Variants in NELL2 observed in about 807,000 individuals in gnomAD.
The protein encoded by NELL2 is protein kinase C-binding protein NELL2.
In NELL2, 41 loss-of-function variants were observed where a neutral mutation model predicts 109.6. The ratio of observed to expected loss-of-function variants is 0.37; its 90% CI spans 0.29 to 0.49. The LOEUF is 0.49. NELL2 is among the 20% of genes least tolerant of loss of function. NELL2 has a pLI of 0.98. For synonymous variants in NELL2, 355 were observed against 344.7 expected, an observed-to-expected ratio of 1.03 and a Z score of -0.33; for missense variants, 900 against 1,008.3, an observed-to-expected ratio of 0.89 and a Z score of 1.45.
intron 15 of NELL2, among the ~76,000 whole-genome samples, chr12:44,541,370 C>G (rs1281110039): frequency 1.3e-5 from 2 of 151,264 alleles, no homozygotes; most frequent in African/African-American, 4.9e-5. Context: ...TAAAATAGGG[C>G]CACAGTGATT....
chr12:44,672,233 T>G (rs1026295209), intron 12 of NELL2, among the ~76,000 whole-genome samples: 2 of 152,138 alleles, frequency 1.3e-5, no homozygotes, highest in African/African-American at 2.4e-5. Context: ...AGTCCCTGAT[T>G]TGCTAGGAAG....
chr12:44,734,590 A>G (rs934535383), intron 9 of NELL2, among the ~76,000 whole-genome samples: 1 of 151,606 alleles, frequency 6.6e-6, no homozygotes, highest in East Asian at 1.9e-4. Context: ...TGCTCATTCA[A>G]TTTTCCCCTA....
Position 44,875,907 on chromosome 12 carries a change from A to C in NELL2, c.-38T>G. On this transcript the variant is annotated 5_prime_UTR_variant, in exon 1 of 20. Coordinates refer to ENST00000429094, the MANE Select transcript of NELL2 (RefSeq NM_001145108.2). ...CTCAGTCCATCGTCTCCCTCTTTAA[A>C]AATAAAAATAAAAATCGAAGAGGTT... is the stretch of plus-strand genomic sequence containing the variant. 1 of 1,612,938 alleles carries C rather than the reference A, an allele frequency of 6.2e-7. No homozygotes were observed. Among genetic ancestry groups the C allele is most frequent in the Non-Finnish European group, 8.5e-7 (1 of 1,180,022 alleles).
chr12:44,556,312 G>T (rs1943253526), intron 15 of NELL2, among the ~76,000 whole-genome samples: 2 of 152,164 alleles, frequency 1.3e-5, no homozygotes, highest in African/African-American at 4.8e-5. Flanking sequence ...TTACCCAGAG[G>T]GGCTGATTTG....
intron 1 of NELL2, 51 bp downstream of exon 1, chr12:44,875,764 C>A (rs368149575): frequency 4.3e-6 from 7 of 1,612,000 alleles, no homozygotes. Context: ...CCCATGCTGC[C>A]CCGAGGCGGG....
chr12:44,763,502 C>G (rs1246094682), intron 9 of NELL2, among the ~76,000 whole-genome samples: 4 of 152,070 alleles, frequency 2.6e-5, no homozygotes, highest in African/African-American at 9.7e-5. Flanking sequence ...AACAAACAAA[C>G]AAACAAAAGG....
At chr12:44,703,545 G>C (rs550954855) in intron 12 of NELL2, among the ~76,000 whole-genome samples, 181 bp downstream of exon 12, 4 of 152,152 alleles carry the variant, frequency 2.6e-5, no homozygotes, top group African/African-American at 9.7e-5. Context: ...GTGACATATA[G>C]CAGATAGCTG....
At chr12:44,849,789 C>G (rs919331669) in intron 2 of NELL2, among the ~76,000 whole-genome samples, 1 of 151,988 alleles carries the variant, frequency 6.6e-6, no homozygotes, top group Admixed American at 6.6e-5. Context: ...TATATTCATA[C>G]AGTGAAATAA....
intron 13 of NELL2, among the ~76,000 whole-genome samples, chr12:44,624,485 A>G (rs1946165079): frequency 6.6e-6 from 1 of 151,872 alleles, no homozygotes; most frequent in South Asian, 2.1e-4. Context: ...CCTCCTCACT[A>G]TCGTCTTTCC....
At chr12:44,767,218 G>C (rs1422098182) in intron 9 of NELL2, among the ~76,000 whole-genome samples, 3 of 152,152 alleles carry the variant, frequency 2.0e-5, no homozygotes, top group Non-Finnish European at 4.4e-5. Context: ...AGACAACATT[G>C]TTTGTGGTAA....
intron 13 of NELL2, among the ~76,000 whole-genome samples, chr12:44,621,813 G>T (rs1295256424): frequency 6.6e-6 from 1 of 152,006 alleles, no homozygotes; most frequent in Non-Finnish European, 1.5e-5. Context: ...ATTTTTTGGA[G>T]TTTAGATCTA....
chr12:44,664,490 A>G (rs1023714416), intron 13 of NELL2, among the ~76,000 whole-genome samples: 3 of 152,110 alleles, frequency 2.0e-5, no homozygotes, highest in Non-Finnish European at 2.9e-5. Context: ...TATGGACACT[A>G]TAATGAAGAC....
chr12:44,588,011 C>T (rs113810173), intron 15 of NELL2, among the ~76,000 whole-genome samples: 31 of 151,916 alleles, frequency 2.0e-4, no homozygotes, highest in African/African-American at 5.8e-4. Context: ...ATTAGCCAGG[C>T]GTGGTGGCGG....
intron 15 of NELL2, among the ~76,000 whole-genome samples, chr12:44,573,170 C>T (rs1469360191): frequency 6.6e-6 from 1 of 152,190 alleles, no homozygotes; most frequent in Non-Finnish European, 1.5e-5. Context: ...GCTCTCAGCC[C>T]ATTAGGCTCT....
upstream of NELL2, among the ~76,000 whole-genome samples, chr12:44,918,779 T>C (rs1945847717): frequency 2.6e-5 from 4 of 152,168 alleles, no homozygotes; most frequent in Admixed American, 2.6e-4. Flanking sequence ...TAATGTCCTT[T>C]GTAAGGTGTC....
At chr12:44,874,847 G>C (rs1041259168) in intron 2 of NELL2, among the ~76,000 whole-genome samples, 10 of 152,178 alleles carry the variant, frequency 6.6e-5, no homozygotes, top group African/African-American at 2.4e-4. Flanking sequence ...GAAACTTTCA[G>C]AGATCAGTGT....
rs193041350 is a variant in NELL2 at position 44,717,535 on chromosome 12, C to T, written c.995-2794G>A. 2.6e-3 allele frequency among the ~76,000 whole-genome samples: 390 copies of T among 152,002 alleles called. 4 individuals carry two copies. Among genetic ancestry groups the T allele is most frequent in the Non-Finnish European group, 9.1e-4 (62 of 67,976 alleles). On this transcript the variant is annotated intron_variant, in intron 9 of 19. Transcript: ENST00000429094. Reference sequence around the variant, plus strand: ...TAAGTTATATGGAAACTCAGGAGACCGAACGAACTTCTAAGAAGGGACAGC... The same window carrying T: ...TAAGTTATATGGAAACTCAGGAGACTGAACGAACTTCTAAGAAGGGACAGC...
rs192400716 is a variant in NELL2 at position 44,865,906 on chromosome 12, G to A, written c.184+9319C>T. On this transcript the variant is annotated intron_variant, in intron 2 of 19. Transcript: ENST00000429094. ...TTCTAACCACAATGGTATTGCTATG[G>A]TTTAAGTGTATACGTCTTTCCGAGA... Among the ~76,000 whole-genome samples, 27 of 152,010 alleles carry A rather than the reference G, an allele frequency of 1.8e-4. No individual in the cohort carries two copies. The East Asian group carries it at 5.2e-3, about 29-fold the overall frequency.
In NELL2 at chr12:44,508,622, G is replaced by A. The variant is rs1163289582; in HGVS notation, c.*312C>T. ...AATTTTCTGCACCAGTGAAGCTAGA[G>A]GCTTTCACAGATCCAATGGGCTCAG... On this transcript the variant is annotated 3_prime_UTR_variant, in exon 20 of 20. Coordinates refer to ENST00000429094, the MANE Select transcript of NELL2 (RefSeq NM_001145108.2). The A allele has an allele frequency of 9.1e-6, 2 of 220,298 alleles. No homozygotes were observed. Among genetic ancestry groups the A allele is most frequent in the Admixed American group, 1.1e-4 (2 of 17,464 alleles). 13.6% of individuals were successfully genotyped at this position (220,298 alleles called of 1,614,324 possible).
Sources: allele counts gnomAD v4.1 joint callset (sites outside exome capture counted in the v4.1 genomes callset), GRCh38; gene constraint gnomAD v4.1.1; transcripts MANE v1.5; gene names NCBI Gene and HGNC (gene_info 2026-07-23, HGNC 2026-07-21).